The following FANCC variants were observed in gnomAD, a reference collection of about 807,000 sequenced individuals.
FANCC encodes FA complementation group C.
FANCC carries 55 observed loss-of-function variants against 71.3 expected under a neutral mutation model. That is an observed-to-expected ratio of 0.77 (90% CI 0.62 to 0.97). The LOEUF is 0.97. FANCC is among the 50% of genes least tolerant of loss of function. The pLI, the probability that FANCC is intolerant of heterozygous loss-of-function variation, is 0.00. For synonymous variants in FANCC, 275 were observed against 244.9 expected (o/e 1.12, Z -1.15); for missense variants, 678 against 670.9 (o/e 1.01, Z -0.12).
intron 1 of FANCC, among the ~76,000 whole-genome samples, chr9:95,277,519 T>A (rs935603343): frequency 6.6e-6 from 1 of 152,232 alleles, no homozygotes; most frequent in South Asian, 2.1e-4. Context: ...AAATAATTTT[T>A]AAAAAGAAAC....
At chr9:95,207,588 TCTCCCTC>T (rs1387777302) in intron 4 of FANCC, among the ~76,000 whole-genome samples, 1 of 151,998 alleles carries the variant, frequency 6.6e-6, no homozygotes, top group Non-Finnish European at 1.5e-5. Context: ...ACATTGCCCA[TCTCCCTC>T]CTAGACTGAT....
intron 7 of FANCC, among the ~76,000 whole-genome samples, chr9:95,142,701 A>AG (rs1392315203): frequency 2.0e-5 from 3 of 152,208 alleles, no homozygotes; most frequent in Non-Finnish European, 2.9e-5. Context: ...TTTAACTCTC[A>AG]GAAGTGGCAT....
At chr9:95,125,265 A>G in intron 9 of FANCC, 80 bp from the exon 10 acceptor site, 1 of 1,131,202 alleles carries the variant, frequency 8.8e-7, no homozygotes, top group East Asian at 2.4e-5. Context: ...ATAAGGGAAA[A>G]GTAGAAACAC....
intron 4 of FANCC, among the ~76,000 whole-genome samples, chr9:95,206,322 C>T (rs1468709172): frequency 6.6e-6 from 1 of 152,122 alleles, no homozygotes; most frequent in Non-Finnish European, 1.5e-5. Flanking sequence ...ACCATGACCA[C>T]CCACACTATG....
At chr9:95,266,906 T>A (rs1026150787) in intron 1 of FANCC, among the ~76,000 whole-genome samples, 1 of 152,182 alleles carries the variant, frequency 6.6e-6, no homozygotes, top group Non-Finnish European at 1.5e-5. Context: ...CCAGTTAAGA[T>A]GGCACGGTAA....
At chr9:95,213,621 G>C (rs1289537351) in intron 4 of FANCC, among the ~76,000 whole-genome samples, 1 of 152,180 alleles carries the variant, frequency 6.6e-6, no homozygotes, top group South Asian at 2.1e-4. Context: ...TAATGCAACT[G>C]TGTACCCTTA....
intron 4 of FANCC, among the ~76,000 whole-genome samples, chr9:95,225,622 T>C (rs138957255): frequency 1.3e-5 from 2 of 152,320 alleles, no homozygotes; most frequent in Non-Finnish European, 2.9e-5. Flanking sequence ...GTAAATACCA[T>C]AAACATCCTG....
At chr9:95,230,794 A>T (rs1185781954) in intron 4 of FANCC, among the ~76,000 whole-genome samples, 9 of 152,142 alleles carry the variant, frequency 5.9e-5, no homozygotes, top group Non-Finnish European at 1.0e-4. Context: ...GCCAGCTTTT[A>T]TTCCCTTGTT....
intron 6 of FANCC, among the ~76,000 whole-genome samples, chr9:95,162,822 G>T (rs1359690576): frequency 6.6e-6 from 1 of 152,152 alleles, no homozygotes; most frequent in Non-Finnish European, 1.5e-5. Flanking sequence ...TGCTGTTGTT[G>T]AGTTGCAGGA....
At chr9:95,131,787 G>C (rs183075029) in intron 8 of FANCC, among the ~76,000 whole-genome samples, 2 of 152,244 alleles carry the variant, frequency 1.3e-5, no homozygotes, top group East Asian at 3.9e-4. Context: ...CCAGGATGTA[G>C]AGTGAACTCT....
intron 4 of FANCC, among the ~76,000 whole-genome samples, chr9:95,204,256 C>T (rs1827979053): frequency 6.6e-6 from 1 of 152,184 alleles, no homozygotes; most frequent in Non-Finnish European, 1.5e-5. Flanking sequence ...TTCTAGGCGT[C>T]CATTACTCAT....
intron 12 of FANCC, chr9:95,114,250 G>T: frequency 2.9e-6 from 1 of 343,404 alleles, no homozygotes; most frequent in Non-Finnish European, 5.7e-6. Flanking sequence ...GAAGACCACA[G>T]GACCCAAACA....
intron 4 of FANCC, among the ~76,000 whole-genome samples, chr9:95,228,320 G>A (rs139782211): frequency 3.9e-4 from 60 of 152,182 alleles, no homozygotes; most frequent in African/African-American, 4.6e-4. Context: ...TCCAAAATGC[G>A]TCCCAAACTA....
At position 95,135,516 on chromosome 9, in the gene FANCC, A is replaced by G; in HGVS notation, c.687-14T>C. On this transcript the variant is annotated splice_polypyrimidine_tract_variant and intron_variant, in intron 7 of 14. Transcript: ENST00000289081. ...GAAATCTTCTTCCTTTCAGAAAGAA[A>G]TAAACAAAATTTTAAACAGAAATGG... 1 of 1,612,956 alleles carries G rather than the reference A, an allele frequency of 6.2e-7. No homozygotes were observed. Among genetic ancestry groups the G allele is most frequent in the East Asian group, 2.2e-5 (1 of 44,874 alleles).
rs1270242849 is a variant in FANCC, at chr9:95,293,080, C to G, written c.-79+24446G>C. 1.9e-6 allele frequency: 3 copies of G among 1,610,334 alleles called. No individual in the cohort carries two copies. The East Asian group carries it at 6.7e-5, about 36-fold the overall frequency. Reference sequence around the variant, plus strand: ...CAAGACCACTGAATCATTTAACAACCAACCAATCCCTAGACCAGACACCCA... The same window carrying G: ...CAAGACCACTGAATCATTTAACAACGAACCAATCCCTAGACCAGACACCCA... On this transcript the variant is annotated intron_variant, in intron 1 of 14. Transcript: ENST00000289081.
chr9:95,285,930 C>A (rs1039932577), intron 1 of FANCC, among the ~76,000 whole-genome samples: 5 of 152,142 alleles, frequency 3.3e-5, no homozygotes, highest in Non-Finnish European at 5.9e-5. Flanking sequence ...AAACTGCTAA[C>A]AATCTATATC....
intron 4 of FANCC, among the ~76,000 whole-genome samples, chr9:95,212,664 T>C (rs1278267986): frequency 6.6e-6 from 1 of 151,284 alleles, no homozygotes; most frequent in East Asian, 1.9e-4. Flanking sequence ...AAAGGGAGAG[T>C]GCTGAAAAGG....
chr9:95,221,143 G>T (rs1564766107), intron 4 of FANCC, among the ~76,000 whole-genome samples: 1 of 152,030 alleles, frequency 6.6e-6, no homozygotes, highest in Non-Finnish European at 1.5e-5. Context: ...TGAGGCAGGG[G>T]AATCGCTTGA....
At chr9:95,166,353 C>T (rs531943763) in intron 6 of FANCC, among the ~76,000 whole-genome samples, 1 of 151,962 alleles carries the variant, frequency 6.6e-6, no homozygotes, top group East Asian at 1.9e-4. Flanking sequence ...TAGTGACATG[C>T]TTTCCTTCTC....
Sources: gnomAD v4.1 joint callset for allele counts (sites outside exome capture counted in the v4.1 genomes callset) on GRCh38, gnomAD v4.1.1 for gene constraint, MANE v1.5 for transcripts, NCBI Gene and HGNC (gene_info 2026-07-23, HGNC 2026-07-21) for gene names.